The following SLBP variants were observed in gnomAD, a reference collection of about 807,000 sequenced individuals.
The protein encoded by SLBP is histone RNA hairpin-binding protein.
Under a neutral mutation model 39.2 loss-of-function variants are expected in SLBP, and 29 were observed. The ratio of observed to expected loss-of-function variants is 0.74; its 90% confidence interval spans 0.55 to 1.01. The LOEUF is 1.01. SLBP is among the 50% of genes least tolerant of loss of function. The probability of loss-of-function intolerance (pLI) is 0.00; values close to 1 mark genes in which losing one functional copy is unlikely to be tolerated. For synonymous variants in SLBP, 129 were observed against 118.7 expected, an observed-to-expected ratio of 1.09 and a Z score of -0.57; for missense variants, 390 against 350.2, an observed-to-expected ratio of 1.11 and a Z score of -0.91.
At chr4:1,697,114 T>C (rs1353246593) in intron 5 of SLBP, among the ~76,000 whole-genome samples, 1 of 131,104 alleles carries the variant, frequency 7.6e-6, no homozygotes, top group Non-Finnish European at 1.5e-5. Context: ...GCCTAGATCA[T>C]GCCACTGCAA....
In SLBP at chr4:1,701,362, G is replaced by A. The variant is rs573266276; in HGVS notation, c.282-1292C>T. Among the ~76,000 whole-genome samples the A allele has an allele frequency of 1.6e-4, 24 of 151,988 alleles. No individual in the cohort carries two copies. The South Asian group carries it at 5.0e-3, about 32-fold the overall frequency. ...GGGTTTCTCCATGTTCGTCAGGCTG[G>A]TCTCGAACTCCTGATCTCAGGTGAT... On this transcript the variant is annotated intron_variant, in intron 3 of 7. Transcript: ENST00000489418.
intron 4 of SLBP, 150 bp downstream of exon 4, chr4:1,699,861 A>G (rs1716258673): frequency 1.3e-6 from 1 of 779,046 alleles, no homozygotes. Flanking sequence ...ATGGGAATTT[A>G]GTACACAACA....
intron 7 of SLBP, among the ~76,000 whole-genome samples, chr4:1,694,386 G>A (rs1410959574): frequency 6.8e-6 from 1 of 146,254 alleles, no homozygotes; most frequent in African/African-American, 2.5e-5. Flanking sequence ...CGCAGCACAT[G>A]GTTTTCTTTC....
intron 3 of SLBP, among the ~76,000 whole-genome samples, chr4:1,702,071 G>C (rs986909896): frequency 1.3e-5 from 2 of 152,184 alleles, no homozygotes; most frequent in Non-Finnish European, 2.9e-5. Context: ...AATCTGGACA[G>C]GTGGAATACG....
At position 1,712,000 on chromosome 4, in the gene SLBP, G is replaced by A. The variant is rs534528462; in HGVS notation, c.60-10C>T. 6.2e-6 allele frequency: 8 copies of A among 1,287,342 alleles called. No individual in the cohort carries two copies. The highest frequency in any genetic ancestry group is 2.3e-5 in the South Asian group (1 of 44,310). The allele number at this position is 1,287,342 out of a possible 1,614,324, so 79.7% of individuals were successfully genotyped here. ...CGCGGGGGACGGCGGGCTGCGGGGA[G>A]GGACGCGGTCGGCTGGGCACGGGAG... On this transcript the variant is annotated splice_polypyrimidine_tract_variant and intron_variant, in intron 1 of 7. Coordinates refer to ENST00000489418, the MANE Select transcript of SLBP (RefSeq NM_006527.4).
At chr4:1,701,587 G>C (rs1204688976) in intron 3 of SLBP, among the ~76,000 whole-genome samples, 1 of 152,170 alleles carries the variant, frequency 6.6e-6, no homozygotes, top group East Asian at 1.9e-4. Context: ...AGGGCCAGCA[G>C]TTTAAATTAC....
At chr4:1,700,432 G>A (rs927455125) in intron 3 of SLBP, among the ~76,000 whole-genome samples, 4 of 151,930 alleles carry the variant, frequency 2.6e-5, no homozygotes, top group African/African-American at 9.7e-5. Flanking sequence ...ACTTCCTGAG[G>A]CATCTGCTTT....
At chr4:1,699,923 A>C (rs1479627552) in intron 4 of SLBP, 88 bp downstream of exon 4, 2 of 968,932 alleles carry the variant, frequency 2.1e-6, no homozygotes, top group African/African-American at 3.3e-5. Context: ...CTACTGCGAC[A>C]GTCAGCATTT....
intron 2 of SLBP, among the ~76,000 whole-genome samples, chr4:1,705,995 A>G (rs1716502135): frequency 6.6e-6 from 1 of 152,136 alleles, no homozygotes; most frequent in Admixed American, 6.6e-5. Context: ...AAAAAAATAT[A>G]TATGGTGGCA....
chr4:1,712,179 G>T lies in SLBP; in HGVS notation c.10C>A (p.Arg4Ser). The change falls in exon 1 of 8, where the codon CGC (arginine) becomes AGC (serine). Residue 4 changes from arginine to serine, a missense_variant. By Grantham distance (110) the Arg-to-Ser change is moderately radical (BLOSUM62 -1). Transcript: ENST00000489418. MAC[R>S]PRSPPRHQSR... ...TGATGCCTCGGCGGGCTTCGCGGGC[G>T]GCAGGCCATGGCAGCACGGGCCGGG... 1.6e-6 allele frequency: 2 copies of T among 1,236,880 alleles called. No individual in the cohort carries two copies. The highest frequency in any genetic ancestry group is 6.6e-5 in the East Asian group (2 of 30,294). The allele number at this position is 1,236,880 out of a possible 1,614,324, so 76.6% of individuals were successfully genotyped here.
Position 1,712,189 on chromosome 4 carries a change from G to A in SLBP, c.-1C>T, listed in dbSNP as rs1469506871. ...GCGGGCTTCGCGGGCGGCAGGCCATGGCAGCACGGGCCGGGCGCGCAGCGC... is the reference window on the plus strand; with the variant it reads ...GCGGGCTTCGCGGGCGGCAGGCCATAGCAGCACGGGCCGGGCGCGCAGCGC... On this transcript the variant is annotated 5_prime_UTR_variant, in exon 1 of 8. Transcript: ENST00000489418. The A allele has an allele frequency of 4.8e-6, 6 of 1,246,942 alleles. No homozygotes were observed. The African/African-American group carries it at 7.9e-5, about 16-fold the overall frequency. The allele number at this position is 1,246,942 out of a possible 1,614,324, so 77.2% of individuals were successfully genotyped here. A position where few individuals can be genotyped will look rare whatever the true frequency, so the allele number is the denominator to read the frequency against.
chr4:1,699,441 A>T, intron 5 of SLBP, 123 bp downstream of exon 5: 1 of 838,800 alleles, frequency 1.2e-6, no homozygotes, highest in Non-Finnish European at 1.9e-6. Context: ...GTAAGTCCCT[A>T]TTAAATAGCT....
At chr4:1,708,508 T>G (rs1328460387) in intron 2 of SLBP, among the ~76,000 whole-genome samples, 1 of 152,208 alleles carries the variant, frequency 6.6e-6, no homozygotes. Flanking sequence ...ATTGACTCAA[T>G]AGAGGTTTGT....
chr4:1,698,474 A>AG (rs1716205153), intron 5 of SLBP, among the ~76,000 whole-genome samples: 1 of 117,288 alleles, frequency 8.5e-6, no homozygotes, highest in Non-Finnish European at 1.8e-5. Flanking sequence ...CCAAAAAAGT[A>AG]AAAAAAAAAA....
At chr4:1,695,844 G>A (rs771322617) in intron 6 of SLBP, among the ~76,000 whole-genome samples, 2 of 151,596 alleles carry the variant, frequency 1.3e-5, no homozygotes, top group Non-Finnish European at 2.9e-5. Context: ...TCATGGTTGA[G>A]CCGAAATGAC....
chr4:1,711,143 G>A (rs1716751238), intron 2 of SLBP, among the ~76,000 whole-genome samples: 1 of 139,250 alleles, frequency 7.2e-6, no homozygotes, highest in African/African-American at 2.5e-5. Flanking sequence ...GCACAGTGAA[G>A]TTGGGTCCGA....
intron 2 of SLBP, among the ~76,000 whole-genome samples, chr4:1,710,083 TAGTC>T (rs1716680944): frequency 1.3e-5 from 2 of 151,998 alleles, no homozygotes; most frequent in South Asian, 2.1e-4. Context: ...TTCTCCATGT[TAGTC>T]AGGCTGGTGT....
chr4:1,711,929 T>G lies in SLBP; in HGVS notation c.121A>C (p.Arg41=), dbSNP rs1279670846. The G allele has an allele frequency of 3.7e-6, 5 of 1,355,358 alleles. No homozygotes were observed. The Admixed American group carries it at 1.8e-4, about 48-fold the overall frequency. 84.0% of individuals were successfully genotyped at this position (1,355,358 alleles called of 1,614,324 possible). A position where few individuals can be genotyped will look rare whatever the true frequency, so the allele number is the denominator to read the frequency against. The change falls in exon 2 of 8, where the codon AGG becomes CGG. Residue 41 remains arginine, a synonymous_variant. Coordinates refer to ENST00000489418, the MANE Select transcript of SLBP (RefSeq NM_006527.4). The part of the protein sequence containing the change: ...RKRRADGRRW[R]PEDAEEAEHR... ...TCTGCCTCCTCGGCGTCTTCGGGCCTCCAGCGCCTGCCGTCGGCTCTGCGC... is the reference window on the plus strand; with the variant it reads ...TCTGCCTCCTCGGCGTCTTCGGGCCGCCAGCGCCTGCCGTCGGCTCTGCGC...
chr4:1,698,462 T>C (rs1193020585), intron 5 of SLBP, among the ~76,000 whole-genome samples: 1 of 150,174 alleles, frequency 6.7e-6, no homozygotes, highest in Non-Finnish European at 1.5e-5. Flanking sequence ...GCCAGCTATG[T>C]TCCAAAAAAG....
Sources: allele counts gnomAD v4.1 joint callset (sites outside exome capture counted in the v4.1 genomes callset), GRCh38; gene constraint gnomAD v4.1.1; transcripts MANE v1.5; gene names NCBI Gene and HGNC (gene_info 2026-07-23, HGNC 2026-07-21).